The following CPNE8 variants were observed in gnomAD, a reference collection of about 807,000 sequenced individuals.
The protein encoded by CPNE8 is copine-8.
A neutral mutation model predicts 81.5 loss-of-function variants in CPNE8; 45 were observed. The observed-to-expected ratio is 0.55, with a 90% CI of 0.44 to 0.71. The LOEUF is 0.71. CPNE8 is among the 30% of genes least tolerant of loss of function. CPNE8 has a pLI of 0.00. For synonymous variants in CPNE8, 252 were observed against 226.3 expected (o/e 1.11, Z -1.02); for missense variants, 594 against 672.1 (o/e 0.88, Z 1.28).
At chr12:38,841,742 A>G (rs1163737024) in intron 4 of CPNE8, among the ~76,000 whole-genome samples, 2 of 152,224 alleles carry the variant, frequency 1.3e-5, no homozygotes, top group African/African-American at 4.8e-5. Context: ...CAATACATAC[A>G]TGCCACTTTT....
intron 10 of CPNE8, among the ~76,000 whole-genome samples, chr12:38,754,316 C>T (rs796166728): frequency 2.0e-5 from 3 of 151,894 alleles, no homozygotes; most frequent in African/African-American, 7.3e-5. Flanking sequence ...TGGTGTTGAA[C>T]GTTTATATAA....
intron 6 of CPNE8, among the ~76,000 whole-genome samples, chr12:38,785,189 GAA>G (rs1191300015): frequency 3.4e-4 from 33 of 98,076 alleles, no homozygotes; most frequent in Middle Eastern, 7.0e-3. Context: ...CTCTGTCTCT[GAA>G]AAAAAAAAAA....
At chr12:38,765,538 A>G (rs1941670598) in intron 8 of CPNE8, among the ~76,000 whole-genome samples, 1 of 152,168 alleles carries the variant, frequency 6.6e-6, no homozygotes, top group South Asian at 2.1e-4. Context: ...ACTAGGTATT[A>G]GGCAATTTTT....
intron 6 of CPNE8, among the ~76,000 whole-genome samples, chr12:38,800,543 C>A (rs959323985): frequency 5.8e-5 from 1 of 17,126 alleles, no homozygotes; most frequent in African/African-American, 9.3e-5. Context: ...TAGATAAAAC[C>A]ACAAAGATGG....
chr12:38,795,357 G>A (rs1048190952), intron 6 of CPNE8, among the ~76,000 whole-genome samples: 16 of 152,250 alleles, frequency 1.1e-4, no homozygotes, highest in South Asian at 6.2e-4. Flanking sequence ...CATATGATCC[G>A]CAATCCCACT....
intron 10 of CPNE8, among the ~76,000 whole-genome samples, chr12:38,748,803 T>C (rs1941293890): frequency 6.6e-6 from 1 of 152,140 alleles, no homozygotes; most frequent in Non-Finnish European, 1.5e-5. Flanking sequence ...TTCAAAAAAT[T>C]TGTACCCATT....
rs1197763888 is a variant in CPNE8, at chr12:38,905,502, G to A, written c.33C>T (p.Ile11=). MDSRYNSTAG[I]GDLNQLSAAI... ...CAGCGCTCAGCTGGTTCAAGTCCCCGATGCCCGCAGTGCTGTTGTAGCGGC... is the reference window on the plus strand; with the variant it reads ...CAGCGCTCAGCTGGTTCAAGTCCCCAATGCCCGCAGTGCTGTTGTAGCGGC... Residue 11 remains isoleucine, a synonymous_variant, in exon 1 of 20, where the codon ATC becomes ATT. Transcript: ENST00000331366. 6.4e-7 allele frequency: 1 copy of A among 1,573,028 alleles called. No individual in the cohort carries two copies. Among genetic ancestry groups the A allele is most frequent in the Non-Finnish European group, 8.6e-7 (1 of 1,159,048 alleles).
chr12:38,721,666 G>A (rs1285288798), intron 13 of CPNE8, among the ~76,000 whole-genome samples: 1 of 152,224 alleles, frequency 6.6e-6, no homozygotes, highest in Non-Finnish European at 1.5e-5. Context: ...TCACCATGTT[G>A]CAGGCATAGA....
Position 38,839,967 on chromosome 12 carries a change from A to T in CPNE8, c.291-12T>A. 6.3e-7 allele frequency: 1 copy of T among 1,577,302 alleles called. No homozygotes were observed. The highest frequency in any genetic ancestry group is 8.6e-7 in the Non-Finnish European group (1 of 1,157,568). On this transcript the variant is annotated splice_polypyrimidine_tract_variant and intron_variant, in intron 4 of 19. Transcript: ENST00000331366. ...AATCAACATCATACCTAAAAGATTGAAATATAAAACTCAAATTATTTCCAC... is the reference window on the plus strand; with the variant it reads ...AATCAACATCATACCTAAAAGATTGTAATATAAAACTCAAATTATTTCCAC...
intron 3 of CPNE8, among the ~76,000 whole-genome samples, chr12:38,857,875 G>A (rs1943769691): frequency 6.6e-6 from 1 of 152,196 alleles, no homozygotes; most frequent in Non-Finnish European, 1.5e-5. Flanking sequence ...CAGCCTGGGA[G>A]ACAAGAGCAA....
chr12:38,682,561 A>G (rs983394891), intron 16 of CPNE8, among the ~76,000 whole-genome samples: 2 of 152,228 alleles, frequency 1.3e-5, no homozygotes, highest in Non-Finnish European at 1.5e-5. Context: ...ACAAAACCTC[A>G]TGTGGTATTC....
At chr12:38,853,573 A>G (rs1475419273) in intron 3 of CPNE8, among the ~76,000 whole-genome samples, 3 of 150,496 alleles carry the variant, frequency 2.0e-5, no homozygotes, top group African/African-American at 7.4e-5. Flanking sequence ...CAGTTATTTG[A>G]AAAAAAAAGT....
At chr12:38,665,711 T>C (rs994229960) in intron 19 of CPNE8, among the ~76,000 whole-genome samples, 3 of 152,188 alleles carry the variant, frequency 2.0e-5, no homozygotes, top group Admixed American at 6.6e-5. Flanking sequence ...CCAGGCGGAA[T>C]GGCACTGCCT....
At chr12:38,816,589 A>G (rs1943028236) in intron 6 of CPNE8, among the ~76,000 whole-genome samples, 1 of 152,228 alleles carries the variant, frequency 6.6e-6, no homozygotes, top group African/African-American at 2.4e-5. Flanking sequence ...AACAAACAAA[A>G]ATAGTATGAA....
At position 38,749,436 on chromosome 12, in the gene CPNE8, AC is replaced by A. The variant is rs560325116; in HGVS notation, c.722+11410del. On this transcript the variant is annotated intron_variant, in intron 10 of 19. Transcript: ENST00000331366. ...CCAAAAATGTGGAAACGACTTTGGA[AC>A]TGGGTGACAGGCAGAGGCTGGAACA... Among the ~76,000 whole-genome samples, 709 of 152,312 alleles carry A rather than the reference AC, an allele frequency of 4.7e-3. 5 individuals carry two copies. Among genetic ancestry groups the A allele is most frequent in the African/African-American group, 0.016 (658 of 41,554 alleles).
At chr12:38,876,395 T>A (rs1944066607) in intron 1 of CPNE8, among the ~76,000 whole-genome samples, 1 of 152,112 alleles carries the variant, frequency 6.6e-6, no homozygotes, top group Admixed American at 6.6e-5. Flanking sequence ...GTATTTTTAG[T>A]AGAGACAGGG....
At chr12:38,751,845 T>C (rs1941358569) in intron 10 of CPNE8, among the ~76,000 whole-genome samples, 1 of 152,184 alleles carries the variant, frequency 6.6e-6, no homozygotes, top group South Asian at 2.1e-4. Context: ...AACATCACTT[T>C]TTACCATTTC....
intron 10 of CPNE8, 98 bp from the exon 11 acceptor site, chr12:38,730,456 G>GC: frequency 1.7e-6 from 1 of 579,726 alleles, no homozygotes; most frequent in Middle Eastern, 4.1e-4. Context: ...TCAAAAAAAT[G>GC]CTTGATATTA....
chr12:38,831,707 A>C (rs1050541137), intron 5 of CPNE8, among the ~76,000 whole-genome samples: 7 of 152,340 alleles, frequency 4.6e-5, no homozygotes, highest in Non-Finnish European at 1.0e-4. Context: ...CAGATTTTAC[A>C]AATGTTTATG....
Sources: gnomAD v4.1 joint callset for allele counts (sites outside exome capture counted in the v4.1 genomes callset) on GRCh38, gnomAD v4.1.1 for gene constraint, MANE v1.5 for transcripts, NCBI Gene and HGNC (gene_info 2026-07-23, HGNC 2026-07-21) for gene names.